Variants in DLG2 observed in about 807,000 individuals in gnomAD.
The protein encoded by DLG2 is discs large MAGUK scaffold protein 2, also known as disks large homolog 2.
In DLG2, 45 loss-of-function variants were observed where a neutral mutation model predicts 132.5. That is an observed-to-expected ratio of 0.34 (90% CI 0.27 to 0.44). DLG2 has a LOEUF of 0.44. DLG2 is among the 20% of genes least tolerant of loss of function. The probability of loss-of-function intolerance (pLI) is 1.00; values close to 1 mark genes in which losing one functional copy is unlikely to be tolerated. For missense variants in DLG2, 1,045 were observed against 1,196.9 expected (o/e 0.87, Z 1.87); for synonymous variants, 424 against 419.6 (o/e 1.01, Z -0.13).
intron 3 of DLG2, among the ~76,000 whole-genome samples, chr11:85,581,864 G>C (rs1188639726): frequency 6.6e-6 from 1 of 152,154 alleles, no homozygotes; most frequent in Non-Finnish European, 1.5e-5. Context: ...AAAATAAGAA[G>C]AAAGGTCAGC....
chr11:84,028,820 T>C (rs1410460218), intron 11 of DLG2, among the ~76,000 whole-genome samples: 1 of 152,136 alleles, frequency 6.6e-6, no homozygotes, highest in Admixed American at 6.6e-5. Flanking sequence ...TTTATGTCTC[T>C]TCTATGACAC....
intron 16 of DLG2, among the ~76,000 whole-genome samples, chr11:83,856,467 T>G (rs1386984325): frequency 6.6e-6 from 1 of 152,226 alleles, no homozygotes; most frequent in East Asian, 1.9e-4. Context: ...AAAGCAGTCC[T>G]TTTTCTCCAC....
At chr11:85,388,529 G>A (rs1183567713) in intron 3 of DLG2, among the ~76,000 whole-genome samples, 1 of 152,084 alleles carries the variant, frequency 6.6e-6, no homozygotes, top group Admixed American at 6.6e-5. Context: ...CTTCTGGCTG[G>A]AGGTCAAGCA....
chr11:85,140,966 C>T (rs1444272260), intron 5 of DLG2, among the ~76,000 whole-genome samples: 1 of 151,750 alleles, frequency 6.6e-6, no homozygotes, highest in Non-Finnish European at 1.5e-5. Context: ...TTTTCTTTAC[C>T]CATTCATCAG....
At chr11:84,364,438 C>A (rs2098669594) in intron 7 of DLG2, among the ~76,000 whole-genome samples, 1 of 152,120 alleles carries the variant, frequency 6.6e-6, no homozygotes, top group African/African-American at 2.4e-5. Context: ...TCTAGATATA[C>A]AATCATGTCA....
At chr11:83,939,873 A>G (rs1056504273) in intron 14 of DLG2, among the ~76,000 whole-genome samples, 3 of 152,250 alleles carry the variant, frequency 2.0e-5, no homozygotes, top group African/African-American at 7.2e-5. Flanking sequence ...AAGACTGAAT[A>G]TAACAGCAGC....
intron 8 of DLG2, among the ~76,000 whole-genome samples, chr11:84,249,730 C>T (rs2097347335): frequency 6.6e-6 from 1 of 152,190 alleles, no homozygotes. Flanking sequence ...GCTTTGTTTG[C>T]TTCTACAGAG....
intron 6 of DLG2, among the ~76,000 whole-genome samples, chr11:84,826,637 GCC>G (rs1239000667): frequency 6.6e-6 from 1 of 151,752 alleles, no homozygotes; most frequent in Admixed American, 6.6e-5. Context: ...CTATTTTGGG[GCC>G]CTGGTAGAGT....
At chr11:84,977,006 C>T (rs1320966443) in intron 6 of DLG2, among the ~76,000 whole-genome samples, 2 of 152,112 alleles carry the variant, frequency 1.3e-5, no homozygotes, top group African/African-American at 4.8e-5. Flanking sequence ...TACAATGTAG[C>T]TATATAGAAT....
At chr11:84,364,514 C>A (rs2098670076) in intron 7 of DLG2, among the ~76,000 whole-genome samples, 1 of 152,142 alleles carries the variant, frequency 6.6e-6, no homozygotes, top group South Asian at 2.1e-4. Flanking sequence ...CCTTCTCCTG[C>A]CTAATTGCCC....
intron 3 of DLG2, among the ~76,000 whole-genome samples, chr11:85,568,766 C>T (rs373637752): frequency 0.014 from 2,174 of 152,182 alleles, 47 homozygotes; most frequent in African/African-American, 0.049. Flanking sequence ...CTCACACTTT[C>T]AATCCTGATT....
At chr11:84,015,477 CA>C (rs1453604266) in intron 11 of DLG2, among the ~76,000 whole-genome samples, 1 of 152,138 alleles carries the variant, frequency 6.6e-6, no homozygotes, top group African/African-American at 2.4e-5. Flanking sequence ...ATCATCCCAT[CA>C]CCCAGGTATT....
At chr11:85,499,208 T>C (rs2093737441) in intron 3 of DLG2, among the ~76,000 whole-genome samples, 1 of 148,302 alleles carries the variant, frequency 6.7e-6, no homozygotes, top group Non-Finnish European at 1.5e-5. Context: ...GCAAAACTAA[T>C]AAAGAAGGAA....
At chr11:84,718,737 A>T (rs1026049973) in intron 6 of DLG2, among the ~76,000 whole-genome samples, 1 of 152,208 alleles carries the variant, frequency 6.6e-6, no homozygotes, top group Non-Finnish European at 1.5e-5. Flanking sequence ...AGGAGAGTGA[A>T]TAAAAGCATG....
chr11:85,400,121 C>T (rs1010740821), intron 3 of DLG2, among the ~76,000 whole-genome samples: 32 of 152,024 alleles, frequency 2.1e-4, no homozygotes, highest in Non-Finnish European at 3.5e-4. Flanking sequence ...AGTGGGCAAA[C>T]GATAGGAACA....
intron 6 of DLG2, among the ~76,000 whole-genome samples, chr11:85,109,905 C>T (rs1298961884): frequency 6.6e-6 from 1 of 151,988 alleles, no homozygotes; most frequent in Non-Finnish European, 1.5e-5. Context: ...GGGTAAAATA[C>T]CATTATTAAT....
intron 4 of DLG2, among the ~76,000 whole-genome samples, chr11:85,283,872 T>G (rs2078390055): frequency 6.9e-6 from 1 of 144,612 alleles, no homozygotes; most frequent in Non-Finnish European, 1.5e-5. Context: ...AAATCAATCC[T>G]AATGAAACAG....
intron 6 of DLG2, among the ~76,000 whole-genome samples, chr11:85,004,355 A>G (rs1377963246): frequency 6.6e-6 from 1 of 152,088 alleles, no homozygotes; most frequent in Non-Finnish European, 1.5e-5. Flanking sequence ...AAGCATTCCT[A>G]TTTCTCCACG....
chr11:84,785,254 T>TA (rs939705234), intron 6 of DLG2, among the ~76,000 whole-genome samples: 8 of 151,486 alleles, frequency 5.3e-5, no homozygotes, highest in Admixed American at 1.3e-4. Context: ...TTTTTTTAAA[T>TA]AAAAAAAAAT....
Sources: allele counts gnomAD v4.1 joint callset (sites outside exome capture counted in the v4.1 genomes callset), GRCh38; gene constraint gnomAD v4.1.1; transcripts MANE v1.5; gene names NCBI Gene and HGNC (gene_info 2026-07-23, HGNC 2026-07-21).